Variants in ESCO1 observed in about 807,000 individuals in gnomAD.
The protein encoded by ESCO1 is N-acetyltransferase ESCO1.
ESCO1 carries 33 observed loss-of-function variants against 83.5 expected under a neutral mutation model. That is an observed-to-expected ratio of 0.40 (90% CI 0.30 to 0.53). The LOEUF is 0.53. Among genes scored for constraint, ESCO1 ranks in the 20% least tolerant of loss-of-function variants. The pLI is 0.63. For synonymous variants in ESCO1, 332 were observed against 324.3 expected, an observed-to-expected ratio of 1.02 and a Z score of -0.25; for missense variants, 855 against 968.0, an observed-to-expected ratio of 0.88 and a Z score of 1.55.
Position 21,575,086 on chromosome 18 carries a change from T to G in ESCO1, c.-243A>C, listed in dbSNP as rs1167901667. The G allele has an allele frequency of 1.1e-5, 4 of 375,008 alleles. No individual in the cohort carries two copies. Among genetic ancestry groups the G allele is most frequent in the Non-Finnish European group, 1.9e-5 (4 of 212,458 alleles). The allele number at this position is 375,008 out of a possible 1,614,324, so 23.2% of individuals were successfully genotyped here. A position where few individuals can be genotyped will look rare whatever the true frequency, so the allele number is the denominator to read the frequency against. Reference sequence around the variant, plus strand: ...GACACTTGCTTTACTTTGGACAAGGTAATAAAAATTTGAGGAAAATTTTGA... The same window carrying G: ...GACACTTGCTTTACTTTGGACAAGGGAATAAAAATTTGAGGAAAATTTTGA... On this transcript the variant is annotated 5_prime_UTR_variant, in exon 4 of 12. Transcript: ENST00000269214.
intron 11 of ESCO1, 62 bp downstream of exon 11, chr18:21,532,411 A>C: frequency 6.6e-7 from 1 of 1,510,408 alleles, no homozygotes. Context: ...CAATCTTTAC[A>C]CTAAAGCTCT....
chr18:21,555,515 T>C (rs1249848501), intron 8 of ESCO1, among the ~76,000 whole-genome samples: 2 of 152,136 alleles, frequency 1.3e-5, no homozygotes, highest in Non-Finnish European at 2.9e-5. Context: ...TTAAGGAGTA[T>C]ATGGGAACTC....
chr18:21,597,223 C>T (rs1238784379), intron 1 of ESCO1, among the ~76,000 whole-genome samples: 2 of 152,126 alleles, frequency 1.3e-5, no homozygotes, highest in African/African-American at 4.8e-5. Flanking sequence ...TAAACTTCAA[C>T]CAGAAACATA....
chr18:21,543,377 C>T (rs1029480061), intron 8 of ESCO1, among the ~76,000 whole-genome samples: 3 of 152,120 alleles, frequency 2.0e-5, no homozygotes, highest in Non-Finnish European at 4.4e-5. Context: ...AGGCTGGTTT[C>T]GAACTCCCGA....
intron 7 of ESCO1, among the ~76,000 whole-genome samples, chr18:21,562,750 T>C (rs757354981): frequency 3.3e-5 from 5 of 152,156 alleles, no homozygotes; most frequent in Non-Finnish European, 7.4e-5. Flanking sequence ...AGATTTTTAA[T>C]CAATCAAAAT....
intron 1 of ESCO1, among the ~76,000 whole-genome samples, chr18:21,585,065 C>T (rs554179150): frequency 3.3e-5 from 5 of 149,774 alleles, no homozygotes; most frequent in East Asian, 4.0e-4. Context: ...TGCTTGAACC[C>T]GGGAGGCAGA....
chr18:21,594,342 CTAG>C (rs2146238155), intron 1 of ESCO1, among the ~76,000 whole-genome samples: 1 of 152,270 alleles, frequency 6.6e-6, no homozygotes, highest in African/African-American at 2.4e-5. Flanking sequence ...TCAGCAAAGC[CTAG>C]TGTTTGGTGA....
intron 1 of ESCO1, among the ~76,000 whole-genome samples, chr18:21,588,903 A>G (rs1024274329): frequency 2.6e-5 from 4 of 152,134 alleles, no homozygotes; most frequent in Non-Finnish European, 5.9e-5. Context: ...ATAAATAAAT[A>G]AATAAATAGG....
chr18:21,542,799 C>A (rs1364739919), intron 8 of ESCO1, among the ~76,000 whole-genome samples: 2 of 152,208 alleles, frequency 1.3e-5, no homozygotes, highest in African/African-American at 2.4e-5. Flanking sequence ...AACTGCTAGT[C>A]ACAATAACCA....
intron 2 of ESCO1, among the ~76,000 whole-genome samples, chr18:21,580,096 G>A (rs1256077424): frequency 3.3e-5 from 5 of 151,520 alleles, no homozygotes; most frequent in East Asian, 2.0e-4. Context: ...ACGGGTTTTC[G>A]GTGTATTGGT....
intron 8 of ESCO1, among the ~76,000 whole-genome samples, chr18:21,555,594 C>T (rs1037296322): frequency 1.3e-5 from 2 of 151,326 alleles, no homozygotes; most frequent in East Asian, 3.9e-4. Flanking sequence ...GGCTTACACC[C>T]ATAAAGTCAG....
intron 4 of ESCO1, among the ~76,000 whole-genome samples, chr18:21,572,431 C>G (rs2146209226): frequency 6.6e-6 from 1 of 152,208 alleles, no homozygotes. Flanking sequence ...AAAATTTATT[C>G]CAGATACAAG....
intron 1 of ESCO1, among the ~76,000 whole-genome samples, chr18:21,587,762 C>A (rs921814976): frequency 6.6e-6 from 1 of 151,940 alleles, no homozygotes; most frequent in African/African-American, 2.4e-5. Context: ...CACAGCAAGA[C>A]CCTATCTCTA....
intron 10 of ESCO1, among the ~76,000 whole-genome samples, chr18:21,533,442 C>G (rs1439322425): frequency 6.6e-6 from 1 of 152,002 alleles, no homozygotes; most frequent in Non-Finnish European, 1.5e-5. Flanking sequence ...ATTACAGGCA[C>G]GCACCGCCAT....
At chr18:21,549,327 C>T (rs988627883) in intron 8 of ESCO1, among the ~76,000 whole-genome samples, 1 of 152,098 alleles carries the variant, frequency 6.6e-6, no homozygotes. Flanking sequence ...CTAAGGACAG[C>T]AGAGTGCTGA....
At chr18:21,591,702 G>T in intron 1 of ESCO1, among the ~76,000 whole-genome samples, 2 of 145,402 alleles carry the variant, frequency 1.4e-5, no homozygotes, top group Non-Finnish European at 1.5e-5. Flanking sequence ...GATCATTCTT[G>T]GGTGTTTCTC....
At chr18:21,564,675 C>T (rs1168923274) in intron 6 of ESCO1, among the ~76,000 whole-genome samples, 2 of 151,800 alleles carry the variant, frequency 1.3e-5, no homozygotes, top group African/African-American at 4.8e-5. Flanking sequence ...GGATTACAGG[C>T]GTGAGCCACC....
At chr18:21,597,992 A>C (rs2038789171) in intron 1 of ESCO1, among the ~76,000 whole-genome samples, 1 of 152,158 alleles carries the variant, frequency 6.6e-6, no homozygotes, top group Admixed American at 6.6e-5. Context: ...GAACCAAAGG[A>C]TTTTCATTGA....
At chr18:21,585,140 C>CAAAAA (rs34965491) in intron 1 of ESCO1, among the ~76,000 whole-genome samples, 2 of 113,516 alleles carry the variant, frequency 1.8e-5, no homozygotes, top group Non-Finnish European at 1.9e-5. Flanking sequence ...GACTCCATCT[C>CAAAAA]AAAAAAAAAA....
Sources: allele counts gnomAD v4.1 joint callset (sites outside exome capture counted in the v4.1 genomes callset), GRCh38; gene constraint gnomAD v4.1.1; transcripts MANE v1.5; gene names NCBI Gene and HGNC (gene_info 2026-07-23, HGNC 2026-07-21).